The following NCALD variants were observed in gnomAD, a reference collection of about 807,000 sequenced individuals.
NCALD encodes neurocalcin delta.
NCALD carries 10 observed loss-of-function variants against 18.6 expected under a neutral mutation model. The observed-to-expected ratio is 0.54, with a 90% confidence interval of 0.33 to 0.91. NCALD has a LOEUF of 0.91. NCALD is among the 40% of genes least tolerant of loss of function. NCALD has a pLI of 0.03. For synonymous variants in NCALD, 88 were observed against 87.4 expected, an observed-to-expected ratio of 1.01 and a Z score of -0.04; for missense variants, 184 against 247.6, an observed-to-expected ratio of 0.74 and a Z score of 1.72.
chr8:102,096,789 C>T (rs888007728), intron 1 of NCALD, among the ~76,000 whole-genome samples: 1 of 152,220 alleles, frequency 6.6e-6, no homozygotes, highest in Non-Finnish European at 1.5e-5. Flanking sequence ...GGGGCCCACT[C>T]CCACCCTGTA....
chr8:101,859,834 T>C (rs1815467980), intron 4 of NCALD, among the ~76,000 whole-genome samples: 1 of 152,112 alleles, frequency 6.6e-6, no homozygotes, highest in Non-Finnish European at 1.5e-5. Context: ...CATAAGAACA[T>C]TTCCCAAAAC....
intron 1 of NCALD, among the ~76,000 whole-genome samples, chr8:101,780,667 G>T (rs1177140802): frequency 6.6e-6 from 1 of 152,054 alleles, no homozygotes; most frequent in Admixed American, 6.6e-5. Flanking sequence ...ACAACAATGC[G>T]AATGTACTTA....
chr8:102,112,842 CT>C (rs936192077), intron 1 of NCALD, among the ~76,000 whole-genome samples: 1 of 152,170 alleles, frequency 6.6e-6, no homozygotes, highest in African/African-American at 2.4e-5. Flanking sequence ...GCACCTCCCC[CT>C]CCCCTTGCTT....
In NCALD at chr8:101,874,854, T is replaced by C. The variant is rs528532241; in HGVS notation, c.-20+12287A>G. Among the ~76,000 whole-genome samples the C allele has an allele frequency of 1.3e-3, 193 of 152,122 alleles. 1 individual carries two copies. Among genetic ancestry groups the C allele is most frequent in the Admixed American group, 4.6e-3 (70 of 15,286 alleles). On this transcript the variant is annotated intron_variant, in intron 4 of 6. Transcript: ENST00000311028. ...CTTACCCAATTTTTAACTCCTCTCCTCTTCCTAAGTAGAACAGGAGGGAGG... is the reference window on the plus strand; with the variant it reads ...CTTACCCAATTTTTAACTCCTCTCCCCTTCCTAAGTAGAACAGGAGGGAGG...
At chr8:101,713,793 C>A (rs184026225) in intron 2 of NCALD, among the ~76,000 whole-genome samples, 1 of 152,238 alleles carries the variant, frequency 6.6e-6, no homozygotes, top group Non-Finnish European at 1.5e-5. Flanking sequence ...TAATTGATAG[C>A]CTACCAACAA....
At chr8:102,063,501 G>A (rs748252149) in intron 1 of NCALD, among the ~76,000 whole-genome samples, 1 of 152,128 alleles carries the variant, frequency 6.6e-6, no homozygotes, top group Non-Finnish European at 1.5e-5. Context: ...CAGATGATCT[G>A]GAATAAGTAG....
At chr8:102,056,336 T>G (rs1238473090) in intron 1 of NCALD, among the ~76,000 whole-genome samples, 2 of 152,190 alleles carry the variant, frequency 1.3e-5, no homozygotes, top group Non-Finnish European at 2.9e-5. Context: ...CCCTTTTAAA[T>G]AGCCACAAGA....
chr8:101,743,066 T>C (rs1810281338), intron 1 of NCALD, among the ~76,000 whole-genome samples: 1 of 152,184 alleles, frequency 6.6e-6, no homozygotes, highest in African/African-American at 2.4e-5. Flanking sequence ...AAAGAGTGTA[T>C]TTTAAAATAT....
At chr8:101,946,814 A>G in intron 2 of NCALD, among the ~76,000 whole-genome samples, 1 of 147,910 alleles carries the variant, frequency 6.8e-6, no homozygotes, top group Non-Finnish European at 1.5e-5. Context: ...ATTAGCAAAA[A>G]AAAAAAAAAA....
intron 3 of NCALD, among the ~76,000 whole-genome samples, chr8:101,892,522 T>C (rs1816948783): frequency 1.3e-5 from 2 of 149,348 alleles, no homozygotes; most frequent in Non-Finnish European, 2.9e-5. Context: ...AGAATGACTT[T>C]GACAAATTGA....
intron 4 of NCALD, among the ~76,000 whole-genome samples, chr8:101,846,339 TA>T (rs1814867516): frequency 6.6e-6 from 1 of 152,248 alleles, no homozygotes. Context: ...ACATCTCAGA[TA>T]ATCTTTAATT....
intron 1 of NCALD, among the ~76,000 whole-genome samples, chr8:102,083,573 A>C (rs2132343244): frequency 6.6e-6 from 1 of 152,332 alleles, no homozygotes; most frequent in East Asian, 1.9e-4. Context: ...AAAGTCAAAA[A>C]GCACTCAGCC....
chr8:101,720,957 T>C (rs1215326157), intron 1 of NCALD, among the ~76,000 whole-genome samples: 2 of 152,100 alleles, frequency 1.3e-5, no homozygotes, highest in Admixed American at 6.6e-5. Flanking sequence ...ATATGACAGA[T>C]ATGCTACAGA....
intron 4 of NCALD, among the ~76,000 whole-genome samples, chr8:101,855,058 G>A (rs946681369): frequency 2.0e-5 from 3 of 152,138 alleles, no homozygotes; most frequent in South Asian, 2.1e-4. Flanking sequence ...TGGGGAGGAA[G>A]AGGAGCGGAG....
intron 1 of NCALD, among the ~76,000 whole-genome samples, chr8:101,790,377 T>C (rs1396781557): frequency 2.0e-5 from 3 of 152,102 alleles, no homozygotes; most frequent in African/African-American, 7.2e-5. Context: ...TCAGTTATAA[T>C]GTTATTTCCC....
chr8:102,040,239 G>GT (rs1294305066), intron 1 of NCALD, among the ~76,000 whole-genome samples: 4 of 152,024 alleles, frequency 2.6e-5, no homozygotes, highest in African/African-American at 4.8e-5. Context: ...ACTTCTTATT[G>GT]TAACATGCTA....
intron 2 of NCALD, among the ~76,000 whole-genome samples, chr8:102,016,179 G>A (rs768162770): frequency 6.6e-6 from 1 of 152,156 alleles, no homozygotes; most frequent in Non-Finnish European, 1.5e-5. Flanking sequence ...GCAGGTCCAG[G>A]ATCCTGTGCT....
chr8:102,083,606 T>C (rs1824631436), intron 1 of NCALD, among the ~76,000 whole-genome samples: 1 of 152,210 alleles, frequency 6.6e-6, no homozygotes. Context: ...GAGCAGCCAA[T>C]TTTGCTCCAT....
intron 4 of NCALD, among the ~76,000 whole-genome samples, chr8:101,822,631 C>G (rs1165408473): frequency 6.6e-6 from 1 of 152,220 alleles, no homozygotes; most frequent in African/African-American, 2.4e-5. Flanking sequence ...CAGTTCTGGG[C>G]TCCTGTGGTG....
Sources: allele counts gnomAD v4.1 joint callset (sites outside exome capture counted in the v4.1 genomes callset), GRCh38; gene constraint gnomAD v4.1.1; transcripts MANE v1.5; gene names NCBI Gene and HGNC (gene_info 2026-07-23, HGNC 2026-07-21).